Variants in BASP1 observed in about 807,000 individuals in gnomAD.
BASP1 encodes brain abundant membrane attached signal protein 1.
Under a neutral mutation model 2.2 loss-of-function variants are expected in BASP1, and 1 was observed. That is an observed-to-expected ratio of 0.46 (90% CI 0.16 to 2.17). The LOEUF (loss-of-function observed/expected upper bound fraction) is 2.17, where lower values mean the gene tolerates loss of function less well. BASP1 is among the 30% of genes most tolerant of loss of function. The probability of loss-of-function intolerance (pLI) is 0.27; values close to 1 mark genes in which losing one functional copy is unlikely to be tolerated. For synonymous variants in BASP1, 187 were observed against 154.2 expected (o/e 1.21, Z -1.58); for missense variants, 352 against 327.2 (o/e 1.08, Z -0.58).
intron 1 of BASP1, among the ~76,000 whole-genome samples, chr5:17,273,602 T>G (rs1338851587): frequency 6.6e-6 from 1 of 152,222 alleles, no homozygotes; most frequent in Non-Finnish European, 1.5e-5. Context: ...AAACTCGACT[T>G]TTAATAAGAT....
intron 1 of BASP1, among the ~76,000 whole-genome samples, chr5:17,255,972 A>G (rs1376740315): frequency 6.6e-6 from 1 of 152,178 alleles, no homozygotes; most frequent in Non-Finnish European, 1.5e-5. Flanking sequence ...CTGAGTGTGT[A>G]GGGTAGAAAC....
chr5:17,239,268 T>A (rs1399936138), intron 1 of BASP1, among the ~76,000 whole-genome samples: 1 of 152,080 alleles, frequency 6.6e-6, no homozygotes, highest in East Asian at 1.9e-4. Flanking sequence ...TAATTTTTTG[T>A]ATTTTCAGTA....
At chr5:17,241,076 C>G (rs998343438) in intron 1 of BASP1, among the ~76,000 whole-genome samples, 8 of 150,976 alleles carry the variant, frequency 5.3e-5, no homozygotes, top group African/African-American at 1.9e-4. Flanking sequence ...ACATTCTAAG[C>G]TTTACACAGA....
chr5:17,267,592 C>T (rs556802927), intron 1 of BASP1, among the ~76,000 whole-genome samples: 2 of 151,646 alleles, frequency 1.3e-5, no homozygotes, highest in African/African-American at 2.4e-5. Flanking sequence ...GATCTCATCC[C>T]GCTGCAACCT....
intron 1 of BASP1, among the ~76,000 whole-genome samples, chr5:17,253,868 A>C (rs1740149563): frequency 6.6e-6 from 1 of 152,168 alleles, no homozygotes; most frequent in African/African-American, 2.4e-5. Context: ...AAGACCACCG[A>C]CACATTCAGG....
At chr5:17,252,219 T>C (rs1474640176) in intron 1 of BASP1, among the ~76,000 whole-genome samples, 1 of 152,210 alleles carries the variant, frequency 6.6e-6, no homozygotes, top group East Asian at 1.9e-4. Flanking sequence ...ATTTTTGCCA[T>C]TCGGCTATTA....
At chr5:17,250,118 GT>G (rs979074929) in intron 1 of BASP1, among the ~76,000 whole-genome samples, 1 of 151,638 alleles carries the variant, frequency 6.6e-6, no homozygotes, top group South Asian at 2.1e-4. Context: ...ATTTTTGTAT[GT>G]TTTTTTTAGT....
At chr5:17,250,273 C>T (rs1740075398) in intron 1 of BASP1, among the ~76,000 whole-genome samples, 1 of 152,156 alleles carries the variant, frequency 6.6e-6, no homozygotes, top group South Asian at 2.1e-4. Context: ...GCATATTCCA[C>T]TTGACTTTAA....
At chr5:17,233,022 A>G (rs1344670992) in intron 1 of BASP1, among the ~76,000 whole-genome samples, 1 of 152,234 alleles carries the variant, frequency 6.6e-6, no homozygotes, top group Non-Finnish European at 1.5e-5. Context: ...ATTGATTTCT[A>G]AAGTAATCTG....
In BASP1 at chr5:17,260,197, ATGTTTCCTGATAGTGT is replaced by A. The variant is rs1740289340; in HGVS notation, c.-9-15009_-9-14994del. ...GACTATTGACGAGAATGAATAATGC[ATGTTTCCTGATAGTGT>A]TTGCTACATGTGGCAGGATGTATTA... On this transcript the variant is annotated intron_variant, in intron 1 of 1. Transcript: ENST00000322611. The surrounding 1 kb of genome is among the most constrained non-coding windows in gnomAD (Gnocchi z 4.2). 6.6e-6 allele frequency among the ~76,000 whole-genome samples: 1 copy of A among 152,202 alleles called. No homozygotes were observed. Among genetic ancestry groups the A allele is most frequent in the Non-Finnish European group, 1.5e-5 (1 of 68,040 alleles).
intron 1 of BASP1, among the ~76,000 whole-genome samples, chr5:17,255,703 G>A (rs1018906862): frequency 2.6e-5 from 4 of 151,940 alleles, no homozygotes; most frequent in African/African-American, 9.7e-5. Context: ...CTGAGGCAGA[G>A]TTTTGCCAGC....
Position 17,276,066 on chromosome 5 carries a change from A to G in BASP1, c.*166A>G. 3.4e-6 allele frequency: 1 copy of G among 293,484 alleles called. No individual in the cohort carries two copies. The highest frequency in any genetic ancestry group is 6.0e-6 in the Non-Finnish European group (1 of 167,158). 18.2% of individuals were successfully genotyped at this position (293,484 alleles called of 1,614,324 possible). A position where few individuals can be genotyped will look rare whatever the true frequency, so the allele number is the denominator to read the frequency against. ...TTTCAAATTGGAAGTAATGATATGTATTGCCCAAGGAAAAATACAGGATGT... is the reference window on the plus strand; with the variant it reads ...TTTCAAATTGGAAGTAATGATATGTGTTGCCCAAGGAAAAATACAGGATGT... On this transcript the variant is annotated 3_prime_UTR_variant, in exon 2 of 2. Coordinates refer to ENST00000322611, the MANE Select transcript of BASP1 (RefSeq NM_006317.5).
intron 1 of BASP1, among the ~76,000 whole-genome samples, chr5:17,228,180 C>G (rs761336003): frequency 7.9e-5 from 12 of 152,302 alleles, no homozygotes; most frequent in Non-Finnish European, 1.2e-4. Context: ...GTGGCTTATT[C>G]CATTCACCTC....
At chr5:17,225,213 C>T (rs535405070) in intron 1 of BASP1, among the ~76,000 whole-genome samples, 1 of 152,192 alleles carries the variant, frequency 6.6e-6, no homozygotes, top group South Asian at 2.1e-4. Flanking sequence ...CACTCTTACT[C>T]ACTGTCTGCA....
chr5:17,239,335 C>A, intron 1 of BASP1, among the ~76,000 whole-genome samples: 1 of 152,000 alleles, frequency 6.6e-6, no homozygotes, highest in East Asian at 1.9e-4. Flanking sequence ...CCTTGTGATC[C>A]GCCCGCCTCA....
At chr5:17,229,166 T>C (rs1234382524) in intron 1 of BASP1, among the ~76,000 whole-genome samples, 3 of 152,172 alleles carry the variant, frequency 2.0e-5, no homozygotes, top group African/African-American at 7.2e-5. Flanking sequence ...CTGTGGTTAG[T>C]GTGAGGTTTA....
intron 1 of BASP1, among the ~76,000 whole-genome samples, chr5:17,243,289 T>C (rs1316303453): frequency 3.9e-5 from 6 of 152,040 alleles, no homozygotes; most frequent in Non-Finnish European, 7.4e-5. Context: ...GCTGGGACTA[T>C]GGGCGTGGTG....
At chr5:17,258,499 A>G (rs1387920508) in intron 1 of BASP1, among the ~76,000 whole-genome samples, 2 of 151,488 alleles carry the variant, frequency 1.3e-5, no homozygotes, top group Non-Finnish European at 2.9e-5. Flanking sequence ...AAGAGATAAC[A>G]CTCCCCCCAC....
intron 1 of BASP1, among the ~76,000 whole-genome samples, chr5:17,262,354 G>A (rs1740330159): frequency 6.6e-6 from 1 of 152,164 alleles, no homozygotes; most frequent in African/African-American, 2.4e-5. Flanking sequence ...TTATCATGAT[G>A]GCTAAGAAAC....
Sources: allele counts gnomAD v4.1 joint callset (sites outside exome capture counted in the v4.1 genomes callset), GRCh38; gene constraint gnomAD v4.1.1; non-coding constraint Gnocchi (gnomAD v3.1); transcripts MANE v1.5; gene names NCBI Gene and HGNC (gene_info 2026-07-23, HGNC 2026-07-21).